KCNH5: variants seen among roughly 807,000 people sequenced by gnomAD.
KCNH5 encodes the protein potassium voltage-gated channel subfamily H member 5, also known as voltage-gated delayed rectifier potassium channel KCNH5.
Under a neutral mutation model 96.1 loss-of-function variants are expected in KCNH5, and 46 were observed. The observed-to-expected ratio is 0.48, with a 90% confidence interval of 0.38 to 0.61. The LOEUF is 0.61. Among genes scored for constraint, KCNH5 ranks in the 20% least tolerant of loss-of-function variants. KCNH5 has a pLI of 0.00. For missense variants in KCNH5, 907 were observed against 1,225.8 expected (o/e 0.74, Z 3.88); for synonymous variants, 439 against 449.8 (o/e 0.98, Z 0.30).
intron 4 of KCNH5, among the ~76,000 whole-genome samples, chr14:62,987,668 G>T (rs1027747870): frequency 1.9e-5 from 2 of 105,744 alleles, no homozygotes; most frequent in African/African-American, 1.1e-4. Context: ...CTTTCTACCA[G>T]CTGGACAAGG....
intron 10 of KCNH5, among the ~76,000 whole-genome samples, chr14:62,757,093 T>C (rs746084729): frequency 6.6e-6 from 1 of 152,128 alleles, no homozygotes; most frequent in Non-Finnish European, 1.5e-5. Flanking sequence ...AATAACCCCA[T>C]AGGAAAAAGT....
intron 10 of KCNH5, chr14:62,712,601 T>G (rs1000316480): frequency 8.2e-6 from 6 of 733,040 alleles, no homozygotes; most frequent in Middle Eastern, 2.3e-4. Flanking sequence ...ACTTTTATAC[T>G]TTCTCCTGGA....
At chr14:62,849,433 T>C (rs147628974) in intron 8 of KCNH5, among the ~76,000 whole-genome samples, 5 of 152,330 alleles carry the variant, frequency 3.3e-5, no homozygotes, top group Non-Finnish European at 5.9e-5. Context: ...CTGAATTTTC[T>C]AAATTGAATG....
chr14:62,934,788 G>C (rs986952466), intron 7 of KCNH5, among the ~76,000 whole-genome samples: 7 of 152,150 alleles, frequency 4.6e-5, no homozygotes, highest in Non-Finnish European at 1.0e-4. Flanking sequence ...CCTCGAGATA[G>C]CAAATGGTTT....
intron 9 of KCNH5, among the ~76,000 whole-genome samples, chr14:62,782,072 G>A (rs986542426): frequency 3.7e-4 from 57 of 152,238 alleles, no homozygotes; most frequent in African/African-American, 1.3e-3. Flanking sequence ...CGGTCCCTCC[G>A]TTTGGGGTCC....
intron 7 of KCNH5, among the ~76,000 whole-genome samples, chr14:62,873,793 C>T (rs955599086): frequency 1.3e-5 from 2 of 152,146 alleles, no homozygotes; most frequent in African/African-American, 4.8e-5. Flanking sequence ...TTAGAATCTA[C>T]AAGCCTCAAG....
At chr14:62,744,185 A>G (rs1014694191) in intron 10 of KCNH5, among the ~76,000 whole-genome samples, 3 of 152,218 alleles carry the variant, frequency 2.0e-5, no homozygotes, top group African/African-American at 7.2e-5. Flanking sequence ...TGTATTATAT[A>G]TAAGAGAAAA....
chr14:62,708,443 T>TA lies in KCNH5; in HGVS notation c.2031dup (p.Lys678Ter). The TA allele has an allele frequency of 4.4e-6, 7 of 1,592,548 alleles. No individual in the cohort carries two copies. Among genetic ancestry groups the TA allele is most frequent in the Non-Finnish European group, 6.0e-6 (7 of 1,170,948 alleles). On this transcript the variant is annotated frameshift_variant, in exon 11 of 11. Coordinates refer to ENST00000322893, the MANE Select transcript of KCNH5 (RefSeq NM_139318.5). LOFTEE classifies it high-confidence loss of function. ...TCCTCTTTCTTCACATCACTGATCT[T>TA]ACGAAAGATGATCTGTGGAACGGGA...
At chr14:62,951,596 T>A (rs1890006880) in intron 6 of KCNH5, among the ~76,000 whole-genome samples, 1 of 152,198 alleles carries the variant, frequency 6.6e-6, no homozygotes, top group Non-Finnish European at 1.5e-5. Flanking sequence ...AGGAGGAATT[T>A]GTTGTTGCAG....
At chr14:62,794,771 A>G (rs1886505339) in intron 9 of KCNH5, among the ~76,000 whole-genome samples, 1 of 152,050 alleles carries the variant, frequency 6.6e-6, no homozygotes, top group Non-Finnish European at 1.5e-5. Context: ...TGCTAATGGA[A>G]AATATGATTT....
At position 62,707,145 on chromosome 14, in the gene KCNH5, G is replaced by C. The variant is rs570812628; in HGVS notation, c.*363C>G. 6.5e-6 allele frequency: 1 copy of C among 153,568 alleles called. No homozygotes were observed. Among genetic ancestry groups the C allele is most frequent in the Admixed American group, 6.5e-5 (1 of 15,310 alleles). 9.5% of individuals were successfully genotyped at this position (153,568 alleles called of 1,614,324 possible). Reference sequence around the variant, plus strand: ...CAGAACAGTGAGAAAATGATAGCTCGATATACATACTCAGCCTGAGATCAA... The same window carrying C: ...CAGAACAGTGAGAAAATGATAGCTCCATATACATACTCAGCCTGAGATCAA... On this transcript the variant is annotated 3_prime_UTR_variant, in exon 11 of 11. Coordinates refer to ENST00000322893, the MANE Select transcript of KCNH5 (RefSeq NM_139318.5).
chr14:62,869,226 A>C (rs1233431241), intron 7 of KCNH5, among the ~76,000 whole-genome samples: 1 of 152,198 alleles, frequency 6.6e-6, no homozygotes, highest in Non-Finnish European at 1.5e-5. Flanking sequence ...AATGATCGCC[A>C]TTCTAACTGG....
At chr14:62,728,403 A>C (rs1199812583) in intron 10 of KCNH5, among the ~76,000 whole-genome samples, 1 of 151,884 alleles carries the variant, frequency 6.6e-6, no homozygotes, top group Non-Finnish European at 1.5e-5. Context: ...AAAAAAAAAA[A>C]AAATGAGAAA....
chr14:62,947,482 C>T (rs982779989), intron 7 of KCNH5, among the ~76,000 whole-genome samples: 17 of 152,170 alleles, frequency 1.1e-4, no homozygotes, highest in African/African-American at 3.9e-4. Context: ...TAGAGCCTGC[C>T]TGTTCTTGTT....
chr14:62,906,737 T>TTAAACA (rs1311745753), intron 7 of KCNH5, among the ~76,000 whole-genome samples: 3 of 152,212 alleles, frequency 2.0e-5, no homozygotes, highest in African/African-American at 7.2e-5. Flanking sequence ...GGAGAGTTTT[T>TTAAACA]TAAACATAAC....
chr14:63,019,208 A>G (rs1433076437), intron 1 of KCNH5, among the ~76,000 whole-genome samples: 1 of 152,098 alleles, frequency 6.6e-6, no homozygotes, highest in African/African-American at 2.4e-5. Flanking sequence ...AGATAAACAT[A>G]AACAAGCTAC....
intron 7 of KCNH5, among the ~76,000 whole-genome samples, chr14:62,854,567 T>C (rs916396529): frequency 6.6e-6 from 1 of 152,120 alleles, no homozygotes; most frequent in African/African-American, 2.4e-5. Context: ...GTCAGTTTTA[T>C]AGAGACCCCT....
intron 9 of KCNH5, among the ~76,000 whole-genome samples, chr14:62,785,026 T>C (rs951559791): frequency 3.3e-5 from 5 of 152,206 alleles, no homozygotes; most frequent in African/African-American, 4.8e-5. Flanking sequence ...CTTTGTGTAA[T>C]AAGCAATACT....
intron 4 of KCNH5, among the ~76,000 whole-genome samples, chr14:62,997,492 A>G (rs1890927610): frequency 6.6e-6 from 1 of 152,070 alleles, no homozygotes; most frequent in East Asian, 1.9e-4. Flanking sequence ...TATTTTGTGA[A>G]TTACATTTTT....
Sources: allele counts gnomAD v4.1 joint callset (sites outside exome capture counted in the v4.1 genomes callset), GRCh38; gene constraint gnomAD v4.1.1; transcripts MANE v1.5; gene names NCBI Gene and HGNC (gene_info 2026-07-23, HGNC 2026-07-21).